The following SH3RF1 variants were observed in gnomAD, a reference collection of about 807,000 sequenced individuals.
The protein encoded by SH3RF1 is E3 ubiquitin-protein ligase SH3RF1.
SH3RF1 carries 32 observed loss-of-function variants against 74.0 expected under a neutral mutation model. That is an observed-to-expected ratio of 0.43 (90% CI 0.33 to 0.58). The LOEUF (loss-of-function observed/expected upper bound fraction) is 0.58. Ranked by LOEUF, SH3RF1 falls within the 20% of genes least tolerant of loss-of-function variation. SH3RF1 has a pLI of 0.05. For missense variants in SH3RF1, 954 were observed against 1,130.9 expected (o/e 0.84, Z 2.24); for synonymous variants, 396 against 439.6 (o/e 0.90, Z 1.24).
chr4:169,261,140 C>T (rs967470736), intron 2 of SH3RF1, among the ~76,000 whole-genome samples: 17 of 152,092 alleles, frequency 1.1e-4, no homozygotes, highest in African/African-American at 2.4e-4. Flanking sequence ...CCTATGGCTC[C>T]GCATCTTTGA....
chr4:169,109,202 C>A (rs1318935046), intron 10 of SH3RF1, among the ~76,000 whole-genome samples: 1 of 152,204 alleles, frequency 6.6e-6, no homozygotes. Context: ...TCCACGGACC[C>A]CCAAAGGTCC....
At chr4:169,103,398 A>G (rs1733075612) in intron 11 of SH3RF1, among the ~76,000 whole-genome samples, 1 of 152,172 alleles carries the variant, frequency 6.6e-6, no homozygotes, top group South Asian at 2.1e-4. Context: ...ATTTTTACCA[A>G]AGGAACCCTG....
intron 4 of SH3RF1, among the ~76,000 whole-genome samples, chr4:169,137,189 A>C: frequency 6.6e-6 from 1 of 152,262 alleles, no homozygotes; most frequent in East Asian, 1.9e-4. Flanking sequence ...AAAAGCTGGC[A>C]GAAACTCTTA....
chr4:169,163,438 G>C (rs1209129805), intron 2 of SH3RF1, among the ~76,000 whole-genome samples: 1 of 152,178 alleles, frequency 6.6e-6, no homozygotes, highest in Admixed American at 6.5e-5. Flanking sequence ...AGGCAATGTT[G>C]CAGGAAAAGT....
chr4:169,112,361 T>C (rs940794248), intron 10 of SH3RF1, among the ~76,000 whole-genome samples: 3 of 152,166 alleles, frequency 2.0e-5, no homozygotes, highest in Non-Finnish European at 4.4e-5. Context: ...CGGGTGGAGA[T>C]GCTCTGCTGA....
rs184697513 is a variant in SH3RF1 at position 169,163,990 on chromosome 4, G to T, written c.394-7311C>A. 2.5e-3 allele frequency among the ~76,000 whole-genome samples: 379 copies of T among 152,260 alleles called. 2 individuals carry two copies. Among genetic ancestry groups the T allele is most frequent in the African/African-American group, 8.2e-3 (340 of 41,538 alleles). On this transcript the variant is annotated intron_variant, in intron 2 of 11. Coordinates refer to ENST00000284637, the MANE Select transcript of SH3RF1 (RefSeq NM_020870.4). ...AGGACAGTCTCTATTTCCCAGATGT[G>T]ACAGCCACTACTTGTCCATCAGGAC...
intron 2 of SH3RF1, among the ~76,000 whole-genome samples, chr4:169,248,406 A>G (rs1731044189): frequency 6.6e-6 from 1 of 152,130 alleles, no homozygotes; most frequent in South Asian, 2.1e-4. Context: ...CAAACACTGC[A>G]TGTTCTCACT....
intron 2 of SH3RF1, among the ~76,000 whole-genome samples, chr4:169,197,608 A>C (rs1734835786): frequency 7.2e-6 from 1 of 139,700 alleles, no homozygotes; most frequent in Non-Finnish European, 1.5e-5. Flanking sequence ...TGGGCGACAA[A>C]AGCAAGACTC....
chr4:169,116,172 G>C, intron 10 of SH3RF1, 97 bp downstream of exon 10: 8 of 1,510,236 alleles, frequency 5.3e-6, no homozygotes, highest in Non-Finnish European at 7.1e-6. Flanking sequence ...TTGTTGAACA[G>C]TGAGTCCTCT....
chr4:169,184,371 A>T (rs1211543468), intron 2 of SH3RF1, among the ~76,000 whole-genome samples: 1 of 152,226 alleles, frequency 6.6e-6, no homozygotes, highest in Non-Finnish European at 1.5e-5. Context: ...ACACTTGAAG[A>T]TTCTAGAAAG....
rs1467502910 is a variant in SH3RF1 at position 169,106,952 on chromosome 4, T to C, written c.2393A>G (p.Lys798Arg). 1 of 1,613,804 alleles carries C rather than the reference T, an allele frequency of 6.2e-7. No individual in the cohort carries two copies. The highest frequency in any genetic ancestry group is 1.3e-5 in the African/African-American group (1 of 74,936). Residue 798 changes from lysine to arginine, a missense_variant, in exon 11 of 12, where the codon AAG becomes AGG. This residue lies in a region of SH3RF1 where 854 missense variants were observed against 962.5 expected (regional missense o/e 0.89). Transcript: ENST00000284637. ...AALAQDAFHR[K>R]ASSLDSAVPI... ...AACTGCGGAGTCCAGGGAACTTGCCTTCCTATGAAAAGCATCCTGGGCCAG... is the reference window on the plus strand; with the variant it reads ...AACTGCGGAGTCCAGGGAACTTGCCCTCCTATGAAAAGCATCCTGGGCCAG...
Position 169,270,855 on chromosome 4 carries a change from C to G in SH3RF1, c.-96+4G>C, listed in dbSNP as rs1731439579. 6.6e-6 allele frequency: 1 copy of G among 152,126 alleles called. No homozygotes were observed. Among genetic ancestry groups the G allele is most frequent in the Non-Finnish European group, 1.5e-5 (1 of 68,012 alleles). The allele number at this position is 152,126 out of a possible 1,614,324, so 9.4% of individuals were successfully genotyped here. ...GTCGACCCCGCGCCGGCCGCGCGCC[C>G]TACCTCGCGCCTCGGCTCCTCCTCT... On this transcript the variant is annotated splice_donor_region_variant and intron_variant, in intron 1 of 11. Coordinates refer to ENST00000284637, the MANE Select transcript of SH3RF1 (RefSeq NM_020870.4).
At chr4:169,168,802 A>T (rs1323462474) in intron 2 of SH3RF1, among the ~76,000 whole-genome samples, 1 of 152,262 alleles carries the variant, frequency 6.6e-6, no homozygotes, top group Non-Finnish European at 1.5e-5. Flanking sequence ...CAATCAAATC[A>T]TCTGAGAGAA....
intron 2 of SH3RF1, among the ~76,000 whole-genome samples, chr4:169,237,393 C>CA (rs1344573274): frequency 1.3e-5 from 2 of 152,190 alleles, no homozygotes; most frequent in Non-Finnish European, 2.9e-5. Context: ...GTAATCACAA[C>CA]ACTTCGGGAG....
chr4:169,105,124 G>A (rs1284902214), intron 11 of SH3RF1, among the ~76,000 whole-genome samples: 1 of 152,074 alleles, frequency 6.6e-6, no homozygotes, highest in African/African-American at 2.4e-5. Context: ...ACACTTTATA[G>A]TAAGATTTCA....
At chr4:169,153,851 C>G (rs1263923563) in intron 4 of SH3RF1, among the ~76,000 whole-genome samples, 2 of 152,170 alleles carry the variant, frequency 1.3e-5, no homozygotes, top group Non-Finnish European at 2.9e-5. Context: ...GTTTATCTTT[C>G]CAACTTAAGT....
At chr4:169,234,342 T>C (rs992666024) in intron 2 of SH3RF1, among the ~76,000 whole-genome samples, 1 of 151,960 alleles carries the variant, frequency 6.6e-6, no homozygotes, top group African/African-American at 2.4e-5. Context: ...AATTATTCAG[T>C]CTAAAATGTC....
intron 2 of SH3RF1, among the ~76,000 whole-genome samples, chr4:169,164,529 G>C (rs527699082): frequency 2.0e-5 from 3 of 152,286 alleles, no homozygotes; most frequent in African/African-American, 7.2e-5. Context: ...ACTTGATTCT[G>C]AGACATGGGA....
In SH3RF1 at chr4:169,118,748, C is replaced by T. The variant is rs375219999; in HGVS notation, c.1518-966G>A. 7.2e-5 allele frequency among the ~76,000 whole-genome samples: 11 copies of T among 152,290 alleles called. No individual in the cohort carries two copies. In the South Asian group the frequency reaches 8.3e-4, roughly 11 times the overall value. Reference sequence around the variant, plus strand: ...CTGGGATTACAGGTTTGAGCCAACGCGCCTAGCTGGTGTATTATTTTTTAA... The same window carrying T: ...CTGGGATTACAGGTTTGAGCCAACGTGCCTAGCTGGTGTATTATTTTTTAA... On this transcript the variant is annotated intron_variant, in intron 8 of 11. Transcript: ENST00000284637.
Sources: allele counts gnomAD v4.1 joint callset (sites outside exome capture counted in the v4.1 genomes callset), GRCh38; gene constraint gnomAD v4.1.1; regional missense constraint gnomAD v4.1.1; transcripts MANE v1.5; gene names NCBI Gene and HGNC (gene_info 2026-07-23, HGNC 2026-07-21).